The following RHOBTB1 variants were observed in gnomAD, a reference collection of about 807,000 sequenced individuals.
The protein encoded by RHOBTB1 is rho-related BTB domain-containing protein 1.
Under a neutral mutation model 71.6 loss-of-function variants are expected in RHOBTB1, and 40 were observed. The observed-to-expected ratio is 0.56, with a 90% CI of 0.43 to 0.73. The LOEUF is 0.73. RHOBTB1 is among the 30% of genes least tolerant of loss of function. The probability of loss-of-function intolerance (pLI) is 0.00; values close to 1 mark genes in which losing one functional copy is unlikely to be tolerated. For missense variants in RHOBTB1, 797 were observed against 894.0 expected (o/e 0.89, Z 1.38); for synonymous variants, 319 against 334.9 (o/e 0.95, Z 0.52).
chr10:60,879,746 C>T (rs1439393855), intron 7 of RHOBTB1, among the ~76,000 whole-genome samples: 2 of 151,946 alleles, frequency 1.3e-5, no homozygotes, highest in African/African-American at 4.8e-5. Flanking sequence ...AACATGGTTA[C>T]ATCTATATAT....
chr10:60,885,572 C>A (rs1329071030), intron 7 of RHOBTB1, among the ~76,000 whole-genome samples: 1 of 152,188 alleles, frequency 6.6e-6, no homozygotes, highest in Non-Finnish European at 1.5e-5. Flanking sequence ...TATTGTAGCA[C>A]ATGGTAACCT....
chr10:60,904,446 A>G (rs1231871368), intron 4 of RHOBTB1, among the ~76,000 whole-genome samples: 1 of 152,146 alleles, frequency 6.6e-6, no homozygotes, highest in Non-Finnish European at 1.5e-5. Context: ...CCTCTTCTCT[A>G]GGAAACCAGT....
intron 2 of RHOBTB1, among the ~76,000 whole-genome samples, chr10:60,923,157 T>C (rs1169147189): frequency 2.0e-5 from 3 of 152,218 alleles, no homozygotes; most frequent in Non-Finnish European, 4.4e-5. Context: ...GTATGGATAG[T>C]GTAAACAGAG....
chr10:60,988,630 A>G (rs1055757184), intron 1 of RHOBTB1, among the ~76,000 whole-genome samples: 5 of 152,178 alleles, frequency 3.3e-5, no homozygotes, highest in African/African-American at 9.6e-5. Flanking sequence ...CGCAAGGGAC[A>G]TGATTTTGTT....
At chr10:60,996,978 A>G (rs1418218673) in intron 1 of RHOBTB1, among the ~76,000 whole-genome samples, 1 of 151,304 alleles carries the variant, frequency 6.6e-6, no homozygotes, top group African/African-American at 2.4e-5. Flanking sequence ...ACTACTTATC[A>G]ATTTATTTTT....
chr10:60,947,918 G>A (rs529594909), upstream of RHOBTB1, among the ~76,000 whole-genome samples: 28 of 152,184 alleles, frequency 1.8e-4, no homozygotes, highest in East Asian at 1.9e-3. Context: ...TGGCTGCACC[G>A]TTCACATTTC....
intron 2 of RHOBTB1, among the ~76,000 whole-genome samples, chr10:60,926,954 A>T (rs1282121035): frequency 6.6e-6 from 1 of 152,238 alleles, no homozygotes; most frequent in Non-Finnish European, 1.5e-5. Flanking sequence ...TTGGTTGCAG[A>T]TGATATCTTA....
intron 2 of RHOBTB1, among the ~76,000 whole-genome samples, chr10:60,917,636 C>T (rs1471685923): frequency 6.6e-6 from 1 of 152,150 alleles, no homozygotes; most frequent in Non-Finnish European, 1.5e-5. Context: ...CATGGGGCTC[C>T]ACCCTCATGG....
intron 2 of RHOBTB1, among the ~76,000 whole-genome samples, chr10:60,919,009 G>A (rs552564306): frequency 1.3e-5 from 2 of 152,260 alleles, no homozygotes; most frequent in South Asian, 4.1e-4. Context: ...GCCTCCCAAA[G>A]TGCTGCGATT....
chr10:60,977,742 C>G (rs1458282292), intron 2 of RHOBTB1, among the ~76,000 whole-genome samples: 1 of 152,136 alleles, frequency 6.6e-6, no homozygotes, highest in Non-Finnish European at 1.5e-5. Context: ...AATACCCTAA[C>G]TCAGAATTTA....
chr10:60,930,196 T>C (rs2084157582), intron 2 of RHOBTB1, among the ~76,000 whole-genome samples: 1 of 152,282 alleles, frequency 6.6e-6, no homozygotes, highest in East Asian at 1.9e-4. Flanking sequence ...GAAAACAACC[T>C]ATGACAAGTG....
At chr10:60,963,902 C>T (rs1589427192) in intron 2 of RHOBTB1, among the ~76,000 whole-genome samples, 1 of 152,184 alleles carries the variant, frequency 6.6e-6, no homozygotes, top group Admixed American at 6.5e-5. Context: ...GGTGAGTAGT[C>T]ATTCAGTAAT....
chr10:60,897,166 C>T (rs1375308130), intron 4 of RHOBTB1, among the ~76,000 whole-genome samples: 2 of 152,118 alleles, frequency 1.3e-5, no homozygotes, highest in Non-Finnish European at 2.9e-5. Context: ...AGACTTTGAA[C>T]AGCAAAATAC....
intron 10 of RHOBTB1, among the ~76,000 whole-genome samples, chr10:60,871,871 C>T (rs1339321128): frequency 1.3e-5 from 2 of 152,172 alleles, no homozygotes; most frequent in Non-Finnish European, 1.5e-5. Flanking sequence ...CCCAGGACCA[C>T]CTGATTTCAG....
chr10:60,940,800 C>A (rs1272157504), intron 2 of RHOBTB1, among the ~76,000 whole-genome samples: 1 of 152,104 alleles, frequency 6.6e-6, no homozygotes, highest in Non-Finnish European at 1.5e-5. Context: ...TATGGAATTG[C>A]AAAGTAATTC....
chr10:60,889,175 T>C lies in RHOBTB1; in HGVS notation c.493A>G (p.Arg165Gly). The change falls in exon 6 of 11, where the codon AGA becomes GGA. Residue 165 changes from arginine (R) to glycine (G), a missense_variant. By Grantham distance (125) the Arg-to-Gly change is moderately radical (BLOSUM62 -2). Transcript: ENST00000337910. ...ARRPLARPIK[R>G]GDILPPEKGR... is the part of the protein sequence containing the mutation. ...TTTTCTGGGGGCAAAATATCCCCTCTCTTTATGGGCCTGAAATAGAACATT... is the reference window on the plus strand; with the variant it reads ...TTTTCTGGGGGCAAAATATCCCCTCCCTTTATGGGCCTGAAATAGAACATT... 1 of 1,608,480 alleles carries C rather than the reference T, an allele frequency of 6.2e-7. No individual in the cohort carries two copies. The highest frequency in any genetic ancestry group is 1.1e-5 in the South Asian group (1 of 90,050).
intron 4 of RHOBTB1, among the ~76,000 whole-genome samples, chr10:60,902,704 C>G (rs2082468839): frequency 6.6e-6 from 1 of 152,156 alleles, no homozygotes; most frequent in South Asian, 2.1e-4. Context: ...AGGCTAAGCA[C>G]CAGTATTTTC....
rs552685218 is a variant in RHOBTB1, at chr10:60,939,030, C to T, written c.-11+2774G>A. ...GAACCTGAGATCATAACCTCATTAA[C>T]GCTGGGAACTTGCCATTAACCTGTG... On this transcript the variant is annotated intron_variant, in intron 2 of 10. Coordinates refer to ENST00000337910, the MANE Select transcript of RHOBTB1 (RefSeq NM_014836.5). 5.9e-5 allele frequency among the ~76,000 whole-genome samples: 9 copies of T among 152,198 alleles called. No homozygotes were observed. In the East Asian group the frequency reaches 7.7e-4, roughly 13 times the overall value.
At chr10:60,883,995 A>C (rs2081449308) in intron 7 of RHOBTB1, among the ~76,000 whole-genome samples, 1 of 152,188 alleles carries the variant, frequency 6.6e-6, no homozygotes, top group South Asian at 2.1e-4. Context: ...AGAGATTTTC[A>C]TTAGTCACAG....
Sources: allele counts gnomAD v4.1 joint callset (sites outside exome capture counted in the v4.1 genomes callset), GRCh38; gene constraint gnomAD v4.1.1; transcripts MANE v1.5; gene names NCBI Gene and HGNC (gene_info 2026-07-23, HGNC 2026-07-21).